Variants in SPATA13 observed in about 807,000 individuals in gnomAD.
The protein encoded by SPATA13 is spermatogenesis associated 13, also known as spermatogenesis-associated protein 13.
A neutral mutation model predicts 104.0 loss-of-function variants in SPATA13; 50 were observed. The ratio of observed to expected loss-of-function variants is 0.48; its 90% CI spans 0.38 to 0.61. The LOEUF is 0.61. Among genes scored for constraint, SPATA13 ranks in the 20% least tolerant of loss-of-function variants. The probability of loss-of-function intolerance (pLI) is 0.00; values close to 1 mark genes in which losing one functional copy is unlikely to be tolerated. For synonymous variants in SPATA13, 606 were observed against 667.5 expected, an observed-to-expected ratio of 0.91 and a Z score of 1.42; for missense variants, 1,524 against 1,690.6, an observed-to-expected ratio of 0.90 and a Z score of 1.73.
intron 3 of SPATA13, among the ~76,000 whole-genome samples, chr13:24,115,418 C>G (rs1015617522): frequency 1.3e-5 from 2 of 152,244 alleles, no homozygotes; most frequent in Non-Finnish European, 2.9e-5. Flanking sequence ...TGAGCTCTGC[C>G]ACCTGTCAGA....
intron 2 of SPATA13, among the ~76,000 whole-genome samples, chr13:24,226,677 C>G (rs929400598): frequency 1.3e-5 from 2 of 152,196 alleles, no homozygotes; most frequent in Non-Finnish European, 2.9e-5. Flanking sequence ...GCAAATGCTC[C>G]TTCCCACCCA....
Position 24,161,897 on chromosome 13 carries a change from C to G in SPATA13, c.-112+965C>G, listed in dbSNP as rs1394927473. On this transcript the variant is annotated intron_variant, in intron 1 of 12. Transcript: ENST00000382108. This position sits in a 1 kb window ranked among gnomAD's most constrained non-coding sequence, Gnocchi z 4.5. ...TTTTTGCTGCCTCGTGTTTTCTTCT[C>G]TGTGAACCTTTCCTGGTCACCCAGC... is the stretch of plus-strand genomic sequence containing the variant. Among the ~76,000 whole-genome samples the G allele has an allele frequency of 1.4e-4, 21 of 152,316 alleles. No homozygotes were observed. The highest frequency in any genetic ancestry group is 2.9e-5 in the Non-Finnish European group (2 of 68,038).
chr13:24,230,786 CAGGTTAAGCAGTT>C (rs1372928100), intron 2 of SPATA13, among the ~76,000 whole-genome samples: 1 of 152,078 alleles, frequency 6.6e-6, no homozygotes, highest in African/African-American at 2.4e-5. Flanking sequence ...GGAGGGAGAT[CAGGTTAAGCAGTT>C]AGGTCTGGAC....
Position 24,160,804 on chromosome 13 carries a change from G to C in SPATA13, c.-240G>C. 1.0e-6 allele frequency: 1 copy of C among 985,458 alleles called. No homozygotes were observed. Among genetic ancestry groups the C allele is most frequent in the Non-Finnish European group, 1.2e-6 (1 of 829,964 alleles). 61.0% of individuals were successfully genotyped at this position (985,458 alleles called of 1,614,324 possible). A position where few individuals can be genotyped will look rare whatever the true frequency, so the allele number is the denominator to read the frequency against. On this transcript the variant is annotated 5_prime_UTR_variant, in exon 1 of 13. Transcript: ENST00000382108. ...TGCCGGTCGCTAGCTCCGAGGGCGC[G>C]CACTGGATCCCAGGCTCCTCCGAGA...
intron 1 of SPATA13, among the ~76,000 whole-genome samples, chr13:24,162,889 T>A (rs1349043267): frequency 6.6e-6 from 1 of 152,168 alleles, no homozygotes; most frequent in Non-Finnish European, 1.5e-5. Context: ...GGAGTTTAGC[T>A]TTGGAAAGGA....
At chr13:24,241,866 A>G (rs996651924) in intron 2 of SPATA13, among the ~76,000 whole-genome samples, 2 of 152,138 alleles carry the variant, frequency 1.3e-5, no homozygotes, top group Non-Finnish European at 2.9e-5. Context: ...AGCCTGAGCA[A>G]CATAGTGAGA....
intron 3 of SPATA13, among the ~76,000 whole-genome samples, chr13:24,046,403 C>G (rs917936246): frequency 1.3e-5 from 2 of 151,396 alleles, no homozygotes; most frequent in African/African-American, 4.9e-5. Flanking sequence ...AAATGATCCT[C>G]CTATCTCAGC....
At chr13:24,048,884 C>T (rs193185442) in intron 3 of SPATA13, among the ~76,000 whole-genome samples, 37 of 152,060 alleles carry the variant, frequency 2.4e-4, no homozygotes, top group Non-Finnish European at 5.0e-4. Flanking sequence ...CTTCAGATAA[C>T]TTCTTTATTA....
At chr13:24,225,444 A>G (rs999145611) in intron 2 of SPATA13, among the ~76,000 whole-genome samples, 8 of 152,246 alleles carry the variant, frequency 5.3e-5, no homozygotes, top group Admixed American at 4.6e-4. Context: ...CAGAGCCCCA[A>G]AGAGGGTGTT....
intron 3 of SPATA13, among the ~76,000 whole-genome samples, chr13:24,116,773 C>G (rs955168532): frequency 2.7e-5 from 4 of 150,898 alleles, no homozygotes; most frequent in African/African-American, 7.3e-5. Flanking sequence ...CTACCAGCCC[C>G]CCCCCCCCAA....
At chr13:24,147,641 A>G (rs564839896) in intron 3 of SPATA13, among the ~76,000 whole-genome samples, 1 of 152,108 alleles carries the variant, frequency 6.6e-6, no homozygotes, top group East Asian at 1.9e-4. Context: ...AAAACGTACC[A>G]TCTTAACCAT....
At position 24,059,053 on chromosome 13, in the gene SPATA13, G is replaced by C. The variant is rs1279847212; in HGVS notation, c.-112+41352G>C. 3.3e-5 allele frequency among the ~76,000 whole-genome samples: 5 copies of C among 151,664 alleles called. 1 individual carries two copies. Among genetic ancestry groups the C allele is most frequent in the Non-Finnish European group, 7.4e-5 (5 of 67,806 alleles). On this transcript the variant is annotated intron_variant, in intron 3 of 14. Transcript: ENST00000424834. ...GTGGCGGAATCTCCACTCACTACAA[G>C]CTCTGCCTCCTGGGTTTACGCCATT...
intron 2 of SPATA13, among the ~76,000 whole-genome samples, chr13:23,984,197 T>C (rs1875041850): frequency 6.6e-6 from 1 of 152,240 alleles, no homozygotes; most frequent in Non-Finnish European, 1.5e-5. Context: ...CTGGACTACA[T>C]AGTGTCTGTT....
chr13:24,134,996 G>C (rs1369241294), intron 3 of SPATA13, among the ~76,000 whole-genome samples: 1 of 152,162 alleles, frequency 6.6e-6, no homozygotes, highest in Non-Finnish European at 1.5e-5. Context: ...GAAGGAAGAT[G>C]ATGTCATGAG....
Position 24,223,035 on chromosome 13 carries a change from C to T in SPATA13, c.106C>T (p.Leu36=), listed in dbSNP as rs974036844. 5 of 1,551,720 alleles carry T rather than the reference C, an allele frequency of 3.2e-6. No individual in the cohort carries two copies. Among genetic ancestry groups the T allele is most frequent in the Admixed American group, 2.0e-5 (1 of 51,012 alleles). The change falls in exon 2 of 13, where the codon CTG becomes TTG. Residue 36 remains leucine (L), a synonymous_variant. Transcript: ENST00000382108. ...CGCAGCCCCCTGTGCAGGCTCGGAC[C>T]TGAAAGACGCCAAGATGGTGACCTC... ...GPAAPCAGSD[L]KDAKMVTSLA... is the part of the protein sequence containing the mutation.
chr13:24,004,278 T>C (rs1048505444), intron 2 of SPATA13, among the ~76,000 whole-genome samples: 2 of 152,136 alleles, frequency 1.3e-5, no homozygotes, highest in African/African-American at 4.8e-5. Context: ...CAATAAAGAG[T>C]CAGGAGTGAA....
chr13:24,186,832 A>G (rs1303055286), intron 1 of SPATA13, among the ~76,000 whole-genome samples: 1 of 152,178 alleles, frequency 6.6e-6, no homozygotes, highest in African/African-American at 2.4e-5. Flanking sequence ...TAGGATTGGA[A>G]ATCCTAGTGT....
chr13:24,202,651 C>T (rs1419257699), intron 1 of SPATA13, among the ~76,000 whole-genome samples: 112 of 144,228 alleles, frequency 7.8e-4, no homozygotes, highest in African/African-American at 2.7e-3. Flanking sequence ...CTGAAGGGAG[C>T]GGGAGGAGGG....
intron 1 of SPATA13, among the ~76,000 whole-genome samples, chr13:24,198,499 G>C (rs7139760): frequency 0.88 from 133,643 of 152,182 alleles, 61,182 homozygotes; most frequent in East Asian, 1. Flanking sequence ...TCCTTCAGAC[G>C]CAGTTAATAA....
Sources: gnomAD v4.1 joint callset for allele counts (sites outside exome capture counted in the v4.1 genomes callset) on GRCh38, gnomAD v4.1.1 for gene constraint, Gnocchi (gnomAD v3.1) non-coding constraint, MANE v1.5 for transcripts, NCBI Gene and HGNC (gene_info 2026-07-23, HGNC 2026-07-21) for gene names.